SLC16A3: variants seen among roughly 807,000 people sequenced by gnomAD.
SLC16A3 encodes monocarboxylate transporter 4.
In SLC16A3, 22 loss-of-function variants were observed where a neutral mutation model predicts 25.0. The ratio of observed to expected loss-of-function variants is 0.88; its 90% CI spans 0.63 to 1.26. SLC16A3 has a LOEUF of 1.26. Ranked by LOEUF, SLC16A3 falls within the 50% of genes most tolerant of loss-of-function variation. The probability of loss-of-function intolerance (pLI) is 0.00; values close to 1 mark genes in which losing one functional copy is unlikely to be tolerated. For missense variants in SLC16A3, 731 were observed against 666.6 expected (o/e 1.10, Z -1.06); for synonymous variants, 390 against 309.2 (o/e 1.26, Z -2.74).
intron 4 of SLC16A3, among the ~76,000 whole-genome samples, chr17:82,238,349 C>T (rs1455683782): frequency 2.6e-5 from 4 of 152,292 alleles, no homozygotes; most frequent in Middle Eastern, 3.4e-3. Context: ...TTGGAGTCCG[C>T]GGTGGCCAGG....
rs1032161924 is a variant in SLC16A3 at position 82,237,769 on chromosome 17, C to T, written c.999C>T (p.Gly333=). Residue 333 remains glycine (G), a synonymous_variant, in exon 4 of 5, where the codon GGC becomes GGT. Transcript: ENST00000582743. The stretch of plus-strand genomic sequence containing the variant: ...GCATCTTCTTTGGCATCTCCTACGG[C>T]ATGGTGGGGGCCCTGCAGTTCGAGG... ...VFCIFFGISY[G]MVGALQFEVL... is the part of the protein sequence containing the mutation. The T allele has an allele frequency of 2.5e-6, 4 of 1,611,892 alleles. No homozygotes were observed. In the African/African-American group the frequency reaches 5.3e-5, roughly 22 times the overall value.
rs2050694341 is a variant in SLC16A3 at position 82,238,958 on chromosome 17, C to T, written c.1380C>T (p.Thr460=). Residue 460 remains threonine, a synonymous_variant, in exon 5 of 5, where the codon ACC becomes ACT. Transcript: ENST00000582743. ...AGAAAAACGGGGAGGTGGTTCACAC[C>T]CCGGAAACAAGTGTCTGAGTGGCTG... is the stretch of plus-strand genomic sequence containing the variant. ...EPEKNGEVVH[T]PETSV 1 of 1,540,868 alleles carries T rather than the reference C, an allele frequency of 6.5e-7. No homozygotes were observed. Among genetic ancestry groups the T allele is most frequent in the Non-Finnish European group, 8.8e-7 (1 of 1,138,026 alleles).
Position 82,239,909 on chromosome 17 carries a change from C to G in SLC16A3, c.*933C>G. The G allele has an allele frequency of 1.0e-6, 1 of 991,264 alleles. No individual in the cohort carries two copies. The highest frequency in any genetic ancestry group is 1.3e-6 in the Non-Finnish European group (1 of 767,170). 61.4% of individuals were successfully genotyped at this position (991,264 alleles called of 1,614,324 possible). A position where few individuals can be genotyped will look rare whatever the true frequency, so the allele number is the denominator to read the frequency against. ...TTGGGCTTGTCCTGGACACCTAACA[C>G]CCACCTGCCCTCGTGGCCAGCAGTG... is the stretch of plus-strand genomic sequence containing the variant. On this transcript the variant is annotated 3_prime_UTR_variant, in exon 5 of 5. Coordinates refer to ENST00000582743, the MANE Select transcript of SLC16A3 (RefSeq NM_004207.4).
At chr17:82,235,896 G>A (rs1255057827) in intron 1 of SLC16A3, 87 bp from the exon 2 acceptor site, 8 of 880,158 alleles carry the variant, frequency 9.1e-6, no homozygotes, top group Admixed American at 6.7e-5. Context: ...CTGAGCTGCC[G>A]GGCCACCCAG....
At position 82,236,033 on chromosome 17, in the gene SLC16A3, G is replaced by A. The variant is rs1329190568; in HGVS notation, c.25G>A (p.Gly9Ser). The change falls in exon 2 of 5, where the codon GGC becomes AGC. Residue 9 changes from glycine to serine, a missense_variant. Coordinates refer to ENST00000582743, the MANE Select transcript of SLC16A3 (RefSeq NM_004207.4). ...CATGGGAGGGGCCGTGGTGGACGAG[G>A]GCCCCACAGGCGTCAAGGCCCCTGA... is the stretch of plus-strand genomic sequence containing the variant. MGGAVVDE[G>S]PTGVKAPDGG... 6.2e-7 allele frequency: 1 copy of A among 1,612,334 alleles called. No homozygotes were observed. The highest frequency in any genetic ancestry group is 1.7e-5 in the Admixed American group (1 of 59,986).
chr17:82,227,578 C>T (rs1309535983), upstream of SLC16A3, among the ~76,000 whole-genome samples: 1 of 141,960 alleles, frequency 7.0e-6, no homozygotes, highest in African/African-American at 2.5e-5. Context: ...ATGGGAGCAC[C>T]ACCTGCCCTG....
chr17:82,238,635 T>C, intron 4 of SLC16A3, 67 bp from the exon 5 acceptor site: 2 of 1,464,432 alleles, frequency 1.4e-6, no homozygotes, highest in Non-Finnish European at 9.1e-7. Context: ...GACACAGGCT[T>C]GGGTGGAGCC....
intron 1 of SLC16A3, among the ~76,000 whole-genome samples, chr17:82,220,558 C>T (rs1302915596): frequency 6.6e-6 from 1 of 152,136 alleles, no homozygotes; most frequent in African/African-American, 2.4e-5. Context: ...ATCACCTGAG[C>T]TCAGGAGTTC....
chr17:82,237,787 G>T lies in SLC16A3; in HGVS notation c.1017G>T (p.Gln339His). Residue 339 changes from glutamine (Q) to histidine (H), a missense_variant, in exon 4 of 5, where the codon CAG becomes CAT. By Grantham distance (24) the Gln-to-His change is conservative. Transcript: ENST00000582743. ...CCTACGGCATGGTGGGGGCCCTGCA[G>T]TTCGAGGTGCTCATGGCCATCGTGG... is the stretch of plus-strand genomic sequence containing the variant. Reference protein sequence around the residue: ...GISYGMVGALQFEVLMAIVGT... With the variant: ...GISYGMVGALHFEVLMAIVGT... 1 of 1,611,528 alleles carries T rather than the reference G, an allele frequency of 6.2e-7. No individual in the cohort carries two copies. Among genetic ancestry groups the T allele is most frequent in the Non-Finnish European group, 8.5e-7 (1 of 1,179,946 alleles).
intron 1 of SLC16A3, chr17:82,232,178 C>T (rs2050507923): frequency 6.6e-6 from 1 of 152,282 alleles, no homozygotes; most frequent in Admixed American, 6.5e-5. Flanking sequence ...TTTCCTGCCC[C>T]GCCTCCTGCC....
rs749043257 is a variant in SLC16A3 at position 82,238,795 on chromosome 17, ACTT to A, written c.1223_1225del (p.Phe408del). The A allele has an allele frequency of 5.3e-5, 86 of 1,612,794 alleles. No homozygotes were observed. Among genetic ancestry groups the A allele is most frequent in the Admixed American group, 1.8e-4 (11 of 60,004 alleles). On this transcript the variant is annotated inframe_deletion, in exon 5 of 5. Coordinates refer to ENST00000582743, the MANE Select transcript of SLC16A3 (RefSeq NM_004207.4). ...TCCTCCCTGATTTTGCTGCTGGGCA[ACTT>A]CTTCTGCATTAGGAAGAAGCCCAAA...
chr17:82,220,014 C>T (rs1488803316), intron 1 of SLC16A3, among the ~76,000 whole-genome samples: 1 of 152,124 alleles, frequency 6.6e-6, no homozygotes, highest in Admixed American at 6.5e-5. Context: ...GCCGGGGGGG[C>T]CCTTTCACAG....
chr17:82,227,697 A>C (rs369934960), upstream of SLC16A3, among the ~76,000 whole-genome samples: 14 of 132,362 alleles, frequency 1.1e-4, no homozygotes, highest in African/African-American at 5.2e-4. Flanking sequence ...GCACGGGCCA[A>C]CTAAGTAGAG....
intron 3 of SLC16A3, 113 bp from the exon 4 acceptor site, chr17:82,237,025 G>A: frequency 1.4e-6 from 2 of 1,446,474 alleles, no homozygotes; most frequent in Non-Finnish European, 1.8e-6. Flanking sequence ...TGGGTGGGTG[G>A]CAGGGGCTCT....
At position 82,237,590 on chromosome 17, in the gene SLC16A3, G is replaced by A. The variant is rs1477019575; in HGVS notation, c.820G>A (p.Asp274Asn). ...AFLLTILGFI[D>N]IFARPAAGFV... ...CCTGCTCACCATCCTGGGCTTCATTGACATCTTCGCGCGGCCGGCCGCGGG... is the reference window on the plus strand; with the variant it reads ...CCTGCTCACCATCCTGGGCTTCATTAACATCTTCGCGCGGCCGGCCGCGGG... Residue 274 changes from aspartate (D) to asparagine (N), a missense_variant, in exon 4 of 5, where the codon GAC (aspartate) becomes AAC (asparagine). Coordinates refer to ENST00000582743, the MANE Select transcript of SLC16A3 (RefSeq NM_004207.4). The A allele has an allele frequency of 6.2e-7, 1 of 1,612,572 alleles. No homozygotes were observed. The highest frequency in any genetic ancestry group is 2.2e-5 in the East Asian group (1 of 44,858).
chr17:82,234,069 T>A (rs567487271), intron 1 of SLC16A3: 6 of 152,320 alleles, frequency 3.9e-5, no homozygotes, highest in African/African-American at 1.4e-4. Flanking sequence ...CTCGATCTCC[T>A]GACCTCGTGA....
chr17:82,236,831 G>T lies in SLC16A3; in HGVS notation c.326G>T (p.Arg109Leu). 1 of 1,607,636 alleles carries T rather than the reference G, an allele frequency of 6.2e-7. No individual in the cohort carries two copies. ...SLGMVAASFC[R>L]SIIQVYLTTG... ...GGCATGGTGGCTGCGTCCTTTTGCC[G>T]GAGCATCATCCAGGTCTACCTCACC... is the stretch of plus-strand genomic sequence containing the variant. Residue 109 changes from arginine to leucine, a missense_variant, in exon 3 of 5, where the codon CGG becomes CTG. By Grantham distance (102) the Arg-to-Leu change is moderately radical. Transcript: ENST00000582743.
At chr17:82,218,044 C>T (rs9303023) in exon 1 of SLC16A3, among the ~76,000 whole-genome samples, 115,294 of 152,162 alleles carry the variant, frequency 0.76, 44,378 homozygotes, top group East Asian at 0.93. Flanking sequence ...CTCCCTGTGC[C>T]TCCATGTGCC....
rs770387961 is a variant in SLC16A3, at chr17:82,238,960, C to G, written c.1382C>G (p.Pro461Arg). The G allele has an allele frequency of 6.5e-7, 1 of 1,536,760 alleles. No homozygotes were observed. Among genetic ancestry groups the G allele is most frequent in the South Asian group, 1.3e-5 (1 of 79,524 alleles). Residue 461 changes from proline (P) to arginine (R), a missense_variant, in exon 5 of 5, where the codon CCG (proline) becomes CGG (arginine). Pro to Arg is a moderately radical substitution (Grantham distance 103). Coordinates refer to ENST00000582743, the MANE Select transcript of SLC16A3 (RefSeq NM_004207.4). Reference protein sequence around the residue: ...PEKNGEVVHTPETSV With the variant: ...PEKNGEVVHTRETSV ...AAAAACGGGGAGGTGGTTCACACCC[C>G]GGAAACAAGTGTCTGAGTGGCTGGG...
Sources: gnomAD v4.1 joint callset for allele counts (sites outside exome capture counted in the v4.1 genomes callset) on GRCh38, gnomAD v4.1.1 for gene constraint, MANE v1.5 for transcripts, NCBI Gene and HGNC (gene_info 2026-07-23, HGNC 2026-07-21) for gene names.